Variants in QPCTL observed in about 807,000 individuals in gnomAD.
QPCTL encodes glutaminyl-peptide cyclotransferase-like protein.
In QPCTL, 31 loss-of-function variants were observed where a neutral mutation model predicts 34.6. The observed-to-expected ratio is 0.90, with a 90% CI of 0.67 to 1.21. The LOEUF is 1.21. Ranked by LOEUF, QPCTL falls within the 50% of genes most tolerant of loss-of-function variation. QPCTL has a pLI of 0.00. For synonymous variants in QPCTL, 223 were observed against 226.9 expected (o/e 0.98, Z 0.15); for missense variants, 474 against 507.8 (o/e 0.93, Z 0.64).
intron 5 of QPCTL, among the ~76,000 whole-genome samples, chr19:45,700,255 G>A (rs1967784112): frequency 6.6e-6 from 1 of 152,126 alleles, no homozygotes; most frequent in Middle Eastern, 3.4e-3. Context: ...GACCAGCCTG[G>A]CGAATATGGT....
chr19:45,693,596 C>A (rs753916570), intron 2 of QPCTL, 40 bp downstream of exon 2: 1 of 1,548,540 alleles, frequency 6.5e-7, no homozygotes, highest in East Asian at 2.3e-5. Context: ...CCCTAGCCCT[C>A]CAGGGAATGG....
intron 5 of QPCTL, among the ~76,000 whole-genome samples, chr19:45,701,114 G>GCACACACACA (rs35311735): frequency 6.7e-6 from 1 of 149,608 alleles, no homozygotes; most frequent in South Asian, 2.1e-4. Flanking sequence ...ACACACACGC[G>GCACACACACA]CACACACACA....
At chr19:45,695,111 C>A (rs747073491) in intron 2 of QPCTL, among the ~76,000 whole-genome samples, 16 of 151,856 alleles carry the variant, frequency 1.1e-4, no homozygotes, top group Non-Finnish European at 2.1e-4. Flanking sequence ...CATTGTGAAA[C>A]CCCATCTCTA....
In QPCTL at chr19:45,703,030, C is replaced by A. The variant is rs776437880; in HGVS notation, c.1130C>A (p.Ala377Asp). ...TGCCGCATTCTCGCTGTGTTCCTGG[C>A]TGAATACCTGGGGCTCTAGCGTGCT... is the stretch of plus-strand genomic sequence containing the variant. The part of the protein sequence containing the change: ...NLCRILAVFL[A>D]EYLGL Residue 377 changes from alanine (A) to aspartate (D), a missense_variant, in exon 7 of 7, where the codon GCT (alanine) becomes GAT (aspartate). Coordinates refer to ENST00000012049, the MANE Select transcript of QPCTL (RefSeq NM_017659.4). The A allele has an allele frequency of 1.9e-6, 3 of 1,614,038 alleles. No individual in the cohort carries two copies. In the African/African-American group the frequency reaches 4.0e-5, roughly 22 times the overall value.
At chr19:45,693,624 C>T in intron 2 of QPCTL, 68 bp downstream of exon 2, 2 of 1,509,244 alleles carry the variant, frequency 1.3e-6, no homozygotes, top group South Asian at 2.7e-5. Context: ...GAATCCTGTT[C>T]AAGATCCCAA....
Position 45,701,931 on chromosome 19 carries a change from G to A in QPCTL, c.1003+17G>A. On this transcript the variant is annotated intron_variant, in intron 6 of 6. Transcript: ENST00000012049. ...TCCGCAGAGGTACCAGCTGCAGGGA[G>A]GGATGGAGGGTGGGTGTCCAAGGAA... 6.3e-7 allele frequency: 1 copy of A among 1,592,446 alleles called. No homozygotes were observed. Among genetic ancestry groups the A allele is most frequent in the South Asian group, 1.1e-5 (1 of 90,470 alleles).
chr19:45,692,977 G>C (rs1243979086), intron 1 of QPCTL, 67 bp downstream of exon 1: 17 of 1,471,812 alleles, frequency 1.2e-5, no homozygotes, highest in Admixed American at 2.2e-5. Flanking sequence ...ACCCAGGGTT[G>C]ACGTGGCTTT....
chr19:45,692,911 G>A lies in QPCTL; in HGVS notation c.207+1G>A. ...GCTGCCGCTGGGCCGGGAGCTGCGG[G>A]TGAGGCTGGGCGGGGACCCGGGCAC... On this transcript the variant is annotated splice_donor_variant, in intron 1 of 6. Coordinates refer to ENST00000012049, the MANE Select transcript of QPCTL (RefSeq NM_017659.4). LOFTEE classifies it high-confidence loss of function. The A allele has an allele frequency of 6.5e-7, 1 of 1,537,060 alleles. No homozygotes were observed.
rs1242475056 is a variant in QPCTL, at chr19:45,693,465, AACTG to A, written c.261_264del (p.Leu88IlefsTer38). ...GCCCGGCTGCGGAGGGTGGTGGGAC[AACTG>A]GATCCACAGCGTCTCTGGAGCACTT... On this transcript the variant is annotated frameshift_variant, in exon 2 of 7. Coordinates refer to ENST00000012049, the MANE Select transcript of QPCTL (RefSeq NM_017659.4). LOFTEE classifies it high-confidence loss of function. The A allele has an allele frequency of 6.2e-7, 1 of 1,613,162 alleles. No homozygotes were observed. The highest frequency in any genetic ancestry group is 2.2e-5 in the East Asian group (1 of 44,824).
At position 45,701,835 on chromosome 19, in the gene QPCTL, TC is replaced by T; in HGVS notation, c.928del (p.Gln310ArgfsTer3). The T allele has an allele frequency of 6.2e-7, 1 of 1,613,908 alleles. No individual in the cohort carries two copies. Among genetic ancestry groups the T allele is most frequent in the Non-Finnish European group, 8.5e-7 (1 of 1,179,910 alleles). On this transcript the variant is annotated frameshift_variant, in exon 6 of 7. Transcript: ENST00000012049. LOFTEE classifies it high-confidence loss of function. Reference protein sequence around the residue: ...LHRLNLLQSHPQEVMYFQPGE... With the variant: ...LHRLNLLQSHXQEVMYFQPGE... ...ACCGTTTGAACCTGCTGCAGTCTCA[TC>T]CCCAGGAAGTGATGTACTTCCAACC...
intron 1 of QPCTL, among the ~76,000 whole-genome samples, chr19:45,693,120 C>CG (rs890907652): frequency 1.2e-4 from 18 of 152,126 alleles, no homozygotes; most frequent in South Asian, 4.1e-4. Flanking sequence ...AATAGTAAGA[C>CG]GGGGGGGTTC....
chr19:45,698,813 CT>C lies in QPCTL; in HGVS notation c.801del (p.Asp269IlefsTer24). On this transcript the variant is annotated frameshift_variant, in exon 5 of 7. Coordinates refer to ENST00000012049, the MANE Select transcript of QPCTL (RefSeq NM_017659.4). LOFTEE classifies it high-confidence loss of function. ...TRIQAIELFM[L>X]LDLLGAPNPT... ...CCTTTCTCCTTAGGAGCTCTTTATG[CT>C]TCTTGATCTCCTGGGAGCCCCCAAT... is the stretch of plus-strand genomic sequence containing the variant. 1 of 1,614,046 alleles carries C rather than the reference CT, an allele frequency of 6.2e-7. No individual in the cohort carries two copies. Among genetic ancestry groups the C allele is most frequent in the African/African-American group, 1.3e-5 (1 of 75,044 alleles).
chr19:45,701,768 C>G (rs1386457936), intron 5 of QPCTL, 30 bp from the exon 6 acceptor site: 4 of 1,553,458 alleles, frequency 2.6e-6, no homozygotes, highest in Non-Finnish European at 3.5e-6. Context: ...TAAGGACTAA[C>G]CCTTCCTCTC....
chr19:45,693,587 C>A lies in QPCTL; in HGVS notation c.351+31C>A, dbSNP rs147037295. On this transcript the variant is annotated intron_variant, in intron 2 of 6. Coordinates refer to ENST00000012049, the MANE Select transcript of QPCTL (RefSeq NM_017659.4). ...GGGACCCACCTCCAGTCCCTGACCC[C>A]CTAGCCCTCCAGGGAATGGGAAATA... 182 of 1,568,210 alleles carry A rather than the reference C, an allele frequency of 1.2e-4. No homozygotes were observed. The African/African-American group carries it at 2.1e-3, about 18-fold the overall frequency.
At chr19:45,695,869 G>T (rs1189359445) in intron 3 of QPCTL, 151 bp downstream of exon 3, 2 of 1,032,052 alleles carry the variant, frequency 1.9e-6, no homozygotes, top group African/African-American at 3.3e-5. Flanking sequence ...TTTTGAGACG[G>T]AGTTTCGCTC....
intron 3 of QPCTL, among the ~76,000 whole-genome samples, chr19:45,698,105 T>C (rs1264292377): frequency 6.6e-6 from 1 of 152,026 alleles, no homozygotes; most frequent in Admixed American, 6.6e-5. Flanking sequence ...TAGCCAGGCA[T>C]GATAGCGGGA....
At chr19:45,700,262 T>A (rs1486252896) in intron 5 of QPCTL, among the ~76,000 whole-genome samples, 1 of 151,836 alleles carries the variant, frequency 6.6e-6, no homozygotes, top group African/African-American at 2.4e-5. Flanking sequence ...CTGGCGAATA[T>A]GGTAAAACCC....
intron 5 of QPCTL, among the ~76,000 whole-genome samples, chr19:45,699,277 C>T (rs1212573146): frequency 2.0e-5 from 3 of 151,732 alleles, no homozygotes; most frequent in African/African-American, 4.8e-5. Flanking sequence ...GTGATCCGTC[C>T]ACCTCAGCCT....
chr19:45,703,076 G>C lies in QPCTL; in HGVS notation c.*27G>C, dbSNP rs752147538. 7 of 1,613,638 alleles carry C rather than the reference G, an allele frequency of 4.3e-6. No homozygotes were observed. The highest frequency in any genetic ancestry group is 2.7e-5 in the African/African-American group (2 of 74,924). ...GTGCTTGGCCAATGACTGTGGAGAG[G>C]ACTGTGAGAGAGAAGGTCCCAGCGG... On this transcript the variant is annotated 3_prime_UTR_variant, in exon 7 of 7. Coordinates refer to ENST00000012049, the MANE Select transcript of QPCTL (RefSeq NM_017659.4).
Sources: gnomAD v4.1 joint callset for allele counts (sites outside exome capture counted in the v4.1 genomes callset) on GRCh38, gnomAD v4.1.1 for gene constraint, MANE v1.5 for transcripts, NCBI Gene and HGNC (gene_info 2026-07-23, HGNC 2026-07-21) for gene names.